RNGTT: variants seen among roughly 807,000 people sequenced by gnomAD.
The protein encoded by RNGTT is mRNA-capping enzyme.
Under a neutral mutation model 79.3 loss-of-function variants are expected in RNGTT, and 33 were observed. The observed-to-expected ratio is 0.42, with a 90% CI of 0.32 to 0.56. The LOEUF is 0.56. Among genes scored for constraint, RNGTT ranks in the 20% least tolerant of loss-of-function variants. The pLI is 0.17. For missense variants in RNGTT, 497 were observed against 739.1 expected (o/e 0.67, Z 3.80); for synonymous variants, 222 against 235.9 (o/e 0.94, Z 0.54).
intron 11 of RNGTT, among the ~76,000 whole-genome samples, chr6:88,805,440 G>C (rs954308486): frequency 1.1e-4 from 17 of 152,318 alleles, no homozygotes; most frequent in Admixed American, 1.0e-3. Flanking sequence ...GTTGGGCACA[G>C]ACGTTAAAAC....
At chr6:88,660,564 A>G (rs1373858427) in intron 14 of RNGTT, among the ~76,000 whole-genome samples, 3 of 152,160 alleles carry the variant, frequency 2.0e-5, no homozygotes, top group Non-Finnish European at 2.9e-5. Flanking sequence ...AAAAAGAAAG[A>G]AAAGGAGAGA....
chr6:88,920,315 AC>A (rs1417287121), intron 4 of RNGTT, among the ~76,000 whole-genome samples: 2 of 152,080 alleles, frequency 1.3e-5, no homozygotes, highest in South Asian at 4.1e-4. Flanking sequence ...TCTTTGAATC[AC>A]CTCTAGGTAT....
chr6:88,690,411 T>TTA (rs540206618), intron 13 of RNGTT, among the ~76,000 whole-genome samples: 1 of 149,514 alleles, frequency 6.7e-6, no homozygotes, highest in African/African-American at 2.4e-5. Context: ...ATTTTAAAAT[T>TTA]AAAAAAAAAA....
At chr6:88,774,875 G>C (rs1489829730) in intron 12 of RNGTT, among the ~76,000 whole-genome samples, 1 of 152,126 alleles carries the variant, frequency 6.6e-6, no homozygotes, top group Non-Finnish European at 1.5e-5. Context: ...ATGATGAAAA[G>C]GTTTTGGAAA....
intron 14 of RNGTT, among the ~76,000 whole-genome samples, chr6:88,668,982 T>A (rs1323916935): frequency 2.6e-5 from 4 of 152,106 alleles, no homozygotes; most frequent in Non-Finnish European, 5.9e-5. Flanking sequence ...GGAAAAAGGA[T>A]GAAAAAGACC....
chr6:88,739,653 T>C lies in RNGTT; in HGVS notation c.1439+30121A>G, dbSNP rs373070211. On this transcript the variant is annotated intron_variant, in intron 13 of 15. Transcript: ENST00000369485. ...TACTTTAAAATGTTAAAAATGTTTA[T>C]AATTCTGTCAGTTCAAATTTCACAC... 2.0e-4 allele frequency among the ~76,000 whole-genome samples: 29 copies of C among 146,808 alleles called. No homozygotes were observed. In the East Asian group the frequency reaches 4.0e-3, roughly 20 times the overall value.
At chr6:88,800,562 C>T (rs950395689) in intron 12 of RNGTT, among the ~76,000 whole-genome samples, 24 of 152,278 alleles carry the variant, frequency 1.6e-4, no homozygotes, top group Middle Eastern at 6.8e-3. Flanking sequence ...GAGGTGGTTG[C>T]ACATGAAATA....
chr6:88,750,990 G>A (rs906122013), intron 13 of RNGTT, among the ~76,000 whole-genome samples: 5 of 152,092 alleles, frequency 3.3e-5, no homozygotes, highest in South Asian at 2.1e-4. Flanking sequence ...CCAGGATAGG[G>A]CTTATCCATC....
At chr6:88,718,706 T>C (rs545744511) in intron 13 of RNGTT, among the ~76,000 whole-genome samples, 1 of 152,092 alleles carries the variant, frequency 6.6e-6, no homozygotes, top group African/African-American at 2.4e-5. Context: ...CTAATCAGAC[T>C]GAAGTTGCAA....
In RNGTT at chr6:88,785,019, C is replaced by T. The variant is rs142815142; in HGVS notation, c.1339-15145G>A. Among the ~76,000 whole-genome samples the T allele has an allele frequency of 4.5e-3, 677 of 152,010 alleles. 9 individuals carry two copies. Among genetic ancestry groups the T allele is most frequent in the African/African-American group, 0.016 (648 of 41,484 alleles). ...AATACATGTTAAAATTTCTGAACCA[C>T]GTGATTGTATTATCTGGTTTAAAAA... On this transcript the variant is annotated intron_variant, in intron 12 of 15. Coordinates refer to ENST00000369485, the MANE Select transcript of RNGTT (RefSeq NM_003800.5).
At chr6:88,762,359 A>G (rs9353603) in intron 13 of RNGTT, among the ~76,000 whole-genome samples, 21,086 of 152,234 alleles carry the variant, frequency 0.14, 1,601 homozygotes, top group Middle Eastern at 0.24. Flanking sequence ...AAGCAGTAAC[A>G]TATCTCCAAG....
At chr6:88,745,652 C>T (rs1025470215) in intron 13 of RNGTT, among the ~76,000 whole-genome samples, 3 of 151,948 alleles carry the variant, frequency 2.0e-5, no homozygotes, top group African/African-American at 7.3e-5. Context: ...GGTCTAAATA[C>T]ATTAGAAGTT....
At chr6:88,618,583 A>G (rs979880446) in intron 14 of RNGTT, among the ~76,000 whole-genome samples, 1 of 152,216 alleles carries the variant, frequency 6.6e-6, no homozygotes, top group Non-Finnish European at 1.5e-5. Flanking sequence ...TTATAAAACA[A>G]GATTTCACAT....
intron 13 of RNGTT, among the ~76,000 whole-genome samples, chr6:88,752,019 C>T (rs1033314561): frequency 1.3e-5 from 2 of 151,996 alleles, no homozygotes; most frequent in Non-Finnish European, 1.5e-5. Flanking sequence ...ACCCTCCCCC[C>T]ATATTCTCTC....
chr6:88,739,735 A>ATATATATATG (rs1176946623), intron 13 of RNGTT, among the ~76,000 whole-genome samples: 54 of 20,742 alleles, frequency 2.6e-3, no homozygotes, highest in South Asian at 7.5e-3. Flanking sequence ...TTATATATAT[A>ATATATATATG]TATATATATA....
intron 13 of RNGTT, 100 bp downstream of exon 13, chr6:88,769,674 C>T: frequency 1.7e-6 from 1 of 582,750 alleles, no homozygotes; most frequent in Non-Finnish European, 2.9e-6. Flanking sequence ...TAGTTTCTTT[C>T]TTTAAAGTAT....
At chr6:88,849,304 A>AG (rs1450635340) in intron 10 of RNGTT, among the ~76,000 whole-genome samples, 2 of 152,080 alleles carry the variant, frequency 1.3e-5, no homozygotes, top group African/African-American at 2.4e-5. Context: ...AAAAATGTCC[A>AG]GAAAAAAATG....
chr6:88,845,060 TA>T (rs551586643), intron 10 of RNGTT, among the ~76,000 whole-genome samples: 2 of 152,300 alleles, frequency 1.3e-5, no homozygotes, highest in South Asian at 4.1e-4. Context: ...ATTATTTATA[TA>T]AATTAGTTGA....
chr6:88,811,408 T>C (rs184958172), intron 11 of RNGTT, among the ~76,000 whole-genome samples: 1 of 152,328 alleles, frequency 6.6e-6, no homozygotes, highest in East Asian at 1.9e-4. Flanking sequence ...GCATGTAGCA[T>C]GGACCAAAGA....
Sources: allele counts gnomAD v4.1 joint callset (sites outside exome capture counted in the v4.1 genomes callset), GRCh38; gene constraint gnomAD v4.1.1; transcripts MANE v1.5; gene names NCBI Gene and HGNC (gene_info 2026-07-23, HGNC 2026-07-21).